Variants in P2RY14 observed in about 807,000 individuals in gnomAD.
P2RY14 encodes the protein purinergic receptor P2Y14, also known as P2Y purinoceptor 14.
Under a neutral mutation model 0.9 loss-of-function variants are expected in P2RY14, and 2 were observed. That is an observed-to-expected ratio of 2.16 (90% CI 0.88 to 6.79). The LOEUF is 6.79. Among genes scored for constraint, P2RY14 ranks in the 30% most tolerant of loss-of-function variants. The pLI is 0.05. For missense variants in P2RY14, 378 were observed against 400.1 expected (o/e 0.94, Z 0.47); for synonymous variants, 158 against 147.2 (o/e 1.07, Z -0.53).
Position 151,244,891 on chromosome 3 carries a change from AAG to A in P2RY14, c.-132-25251_-132-25250del, listed in dbSNP as rs544243320. On this transcript the variant is annotated intron_variant, in intron 1 of 2. Transcript: ENST00000309170. ...CGCTAGCAAGACTAATAAAGAAAAA[AAG>A]AGAGAAGAATCTAATAGACCCAATA... Among the ~76,000 whole-genome samples, 18 of 152,244 alleles carry A rather than the reference AAG, an allele frequency of 1.2e-4. No individual in the cohort carries two copies. The South Asian group carries it at 3.1e-3, about 26-fold the overall frequency.
rs540567222 is a variant in P2RY14, at chr3:151,213,130, T to C, written c.*170A>G. ...GAAATTACTGATGGGTATGTTTTCT[T>C]TGATGTTACAAAAAAGCATGGAAAC... On this transcript the variant is annotated 3_prime_UTR_variant, in exon 3 of 3. Transcript: ENST00000309170. 6.7e-5 allele frequency: 36 copies of C among 534,000 alleles called. No individual in the cohort carries two copies. The highest frequency in any genetic ancestry group is 1.1e-4 in the Non-Finnish European group (33 of 309,108). The allele number at this position is 534,000 out of a possible 1,614,324, so 33.1% of individuals were successfully genotyped here. A position where few individuals can be genotyped will look rare whatever the true frequency, so the allele number is the denominator to read the frequency against.
At chr3:151,220,245 T>C (rs986859795) in intron 1 of P2RY14, among the ~76,000 whole-genome samples, 3 of 151,722 alleles carry the variant, frequency 2.0e-5, no homozygotes, top group African/African-American at 7.3e-5. Context: ...GACTAATGTG[T>C]GGACTTTGCA....
At chr3:151,243,464 A>C (rs1330325478) in intron 1 of P2RY14, among the ~76,000 whole-genome samples, 2 of 152,198 alleles carry the variant, frequency 1.3e-5, no homozygotes, top group East Asian at 3.8e-4. Context: ...CCAATATTCA[A>C]CATTCTTAAA....
rs56702829 is a variant in P2RY14 at position 151,256,815 on chromosome 3, GT to G, written c.-133+21471del. ...AGCTGACTGGTTATTAATCCAGTCTGTTTTTTTTTTTTTCTTGGTGGGAAAT... is the reference window on the plus strand; with the variant it reads ...AGCTGACTGGTTATTAATCCAGTCTGTTTTTTTTTTTTCTTGGTGGGAAAT... On this transcript the variant is annotated intron_variant, in intron 1 of 2. Transcript: ENST00000309170. Among the ~76,000 whole-genome samples the G allele has an allele frequency of 8.2e-3, 973 of 118,580 alleles. 12 individuals carry two copies. The highest frequency in any genetic ancestry group is 0.028 in the African/African-American group (851 of 30,584). The allele number at this position is 118,580 out of a possible 152,430, so 77.8% of individuals were successfully genotyped here.
At position 151,242,729 on chromosome 3, in the gene P2RY14, G is replaced by A. The variant is rs148394927; in HGVS notation, c.-132-23087C>T. On this transcript the variant is annotated intron_variant, in intron 1 of 2. Coordinates refer to ENST00000309170, the MANE Select transcript of P2RY14 (RefSeq NM_014879.4). Reference sequence around the variant, plus strand: ...AGCGCCTCTCCTCCTCCAAAGGAACGCAGTTCCTCACCAGCAGCGGAACAA... The same window carrying A: ...AGCGCCTCTCCTCCTCCAAAGGAACACAGTTCCTCACCAGCAGCGGAACAA... 1.3e-3 allele frequency among the ~76,000 whole-genome samples: 204 copies of A among 152,304 alleles called. 3 individuals are homozygous for A. In the East Asian group the frequency reaches 0.035, roughly 26 times the overall value.
chr3:151,251,677 A>G (rs572816431), intron 1 of P2RY14, among the ~76,000 whole-genome samples: 1 of 152,296 alleles, frequency 6.6e-6, no homozygotes, highest in South Asian at 2.1e-4. Flanking sequence ...CAATTGTTTG[A>G]ACTCTCTGTG....
intron 1 of P2RY14, among the ~76,000 whole-genome samples, chr3:151,268,117 GT>G (rs1258270076): frequency 4.6e-5 from 7 of 151,948 alleles, no homozygotes; most frequent in Admixed American, 2.6e-4. Context: ...TTCTTTTTAT[GT>G]TTTCAGCTTA....
Position 151,237,603 on chromosome 3 carries a change from G to A in P2RY14, c.-132-17961C>T, listed in dbSNP as rs576903728. Among the ~76,000 whole-genome samples the A allele has an allele frequency of 4.2e-4, 62 of 148,766 alleles. No individual in the cohort carries two copies. In the East Asian group the frequency reaches 0.012, roughly 28 times the overall value. On this transcript the variant is annotated intron_variant, in intron 1 of 2. Transcript: ENST00000309170. ...TGACCTCAGGTGATCTGCCCGCCTC[G>A]GCCTCCCAAAGTGCTGGGATTACAG...
At chr3:151,275,929 G>A (rs1466141344) in intron 1 of P2RY14, among the ~76,000 whole-genome samples, 1 of 152,106 alleles carries the variant, frequency 6.6e-6, no homozygotes, top group Non-Finnish European at 1.5e-5. Context: ...GGCTATGGGT[G>A]TAGCACCAGA....
At chr3:151,239,658 C>G (rs1402358026) in intron 1 of P2RY14, among the ~76,000 whole-genome samples, 2 of 152,148 alleles carry the variant, frequency 1.3e-5, no homozygotes, top group Non-Finnish European at 2.9e-5. Context: ...CACAAAAGCT[C>G]TTTGAGGTCC....
chr3:151,235,284 A>G (rs1264281318), intron 1 of P2RY14, among the ~76,000 whole-genome samples: 1 of 152,294 alleles, frequency 6.6e-6, no homozygotes, highest in South Asian at 2.1e-4. Flanking sequence ...TTGTAAACTG[A>G]TGGGGGCAGG....
At chr3:151,263,571 A>T (rs1739292132) in intron 1 of P2RY14, among the ~76,000 whole-genome samples, 1 of 152,236 alleles carries the variant, frequency 6.6e-6, no homozygotes, top group Non-Finnish European at 1.5e-5. Flanking sequence ...TCGTTAATTT[A>T]ATTTTCCTTG....
chr3:151,215,274 G>T (rs1238057168), intron 2 of P2RY14, among the ~76,000 whole-genome samples: 1 of 152,130 alleles, frequency 6.6e-6, no homozygotes, highest in East Asian at 1.9e-4. Context: ...GCCATGTGTG[G>T]GTATTGAGCA....
chr3:151,250,314 T>TTTAAGTGTTC (rs1736593933), intron 1 of P2RY14, among the ~76,000 whole-genome samples: 1 of 152,202 alleles, frequency 6.6e-6, no homozygotes. Context: ...CTTAACTATT[T>TTTAAGTGTTC]TTAAGTGTTC....
Position 151,236,748 on chromosome 3 carries a change from CAT to C in P2RY14, c.-132-17108_-132-17107del, listed in dbSNP as rs1324111264. Reference sequence around the variant, plus strand: ...ATGATTTTTCTATATATTTTACTGACATAAATATATAAAATTTGATTTCATAT... The same window carrying C: ...ATGATTTTTCTATATATTTTACTGACAAATATATAAAATTTGATTTCATAT... On this transcript the variant is annotated intron_variant, in intron 1 of 2. Coordinates refer to ENST00000309170, the MANE Select transcript of P2RY14 (RefSeq NM_014879.4). Among the ~76,000 whole-genome samples the C allele has an allele frequency of 3.9e-5, 6 of 152,152 alleles. No homozygotes were observed. The East Asian group carries it at 1.2e-3, about 29-fold the overall frequency.
intron 1 of P2RY14, chr3:151,269,981 G>T (rs971991312): frequency 1.7e-5 from 5 of 299,638 alleles, no homozygotes; most frequent in Non-Finnish European, 2.6e-5. Context: ...GTACTACTTG[G>T]TTTTCAATAT....
intron 1 of P2RY14, among the ~76,000 whole-genome samples, chr3:151,260,888 ATTTATC>A (rs1449115134): frequency 6.6e-6 from 1 of 152,044 alleles, no homozygotes; most frequent in Non-Finnish European, 1.5e-5. Flanking sequence ...TAAAGTCAAC[ATTTATC>A]TTTATCTTGA....
intron 1 of P2RY14, among the ~76,000 whole-genome samples, chr3:151,233,966 A>G (rs1206929606): frequency 6.6e-6 from 1 of 152,246 alleles, no homozygotes; most frequent in Non-Finnish European, 1.5e-5. Context: ...AGGACTTTAA[A>G]ACATAATGCT....
At chr3:151,216,374 C>G (rs1728220717) in intron 2 of P2RY14, among the ~76,000 whole-genome samples, 1 of 152,100 alleles carries the variant, frequency 6.6e-6, no homozygotes, top group African/African-American at 2.4e-5. Flanking sequence ...CAGTGAATGA[C>G]AAGTTAGGTT....
Sources: gnomAD v4.1 joint callset for allele counts (sites outside exome capture counted in the v4.1 genomes callset) on GRCh38, gnomAD v4.1.1 for gene constraint, MANE v1.5 for transcripts, NCBI Gene and HGNC (gene_info 2026-07-23, HGNC 2026-07-21) for gene names.